PSKH1: variants seen among roughly 807,000 people sequenced by gnomAD.
PSKH1 encodes serine/threonine-protein kinase H1.
Under a neutral mutation model 26.7 loss-of-function variants are expected in PSKH1, and 12 were observed. The observed-to-expected ratio is 0.45, with a 90% CI of 0.29 to 0.73. The LOEUF is 0.73. Among genes scored for constraint, PSKH1 ranks in the 30% least tolerant of loss-of-function variants. The probability of loss-of-function intolerance (pLI) is 0.11; values close to 1 mark genes in which losing one functional copy is unlikely to be tolerated. For missense variants in PSKH1, 431 were observed against 595.2 expected (o/e 0.72, Z 2.87); for synonymous variants, 213 against 234.3 (o/e 0.91, Z 0.83).
intron 2 of PSKH1, among the ~76,000 whole-genome samples, chr16:67,919,078 T>C (rs886619679): frequency 6.6e-6 from 1 of 152,126 alleles, no homozygotes; most frequent in African/African-American, 2.4e-5. Flanking sequence ...GGAGCAGCCA[T>C]GTGAGCAGGG....
At chr16:67,913,902 G>A (rs910728175) in intron 2 of PSKH1, among the ~76,000 whole-genome samples, 14 of 152,160 alleles carry the variant, frequency 9.2e-5, no homozygotes, top group African/African-American at 3.4e-4. Context: ...CTGGGGTGGT[G>A]AGGGACAGTC....
intron 2 of PSKH1, among the ~76,000 whole-genome samples, chr16:67,920,179 C>T (rs981398725): frequency 4.6e-5 from 7 of 152,224 alleles, no homozygotes; most frequent in African/African-American, 1.7e-4. Flanking sequence ...CTTTCACAGG[C>T]TCTGTCGCTT....
intron 2 of PSKH1, among the ~76,000 whole-genome samples, chr16:67,925,467 C>T (rs1598194549): frequency 6.6e-6 from 1 of 152,218 alleles, no homozygotes; most frequent in African/African-American, 2.4e-5. Context: ...GCTGGGATTA[C>T]AGGCATGAGC....
chr16:67,919,486 G>A (rs1243887969), intron 2 of PSKH1, among the ~76,000 whole-genome samples: 1 of 152,228 alleles, frequency 6.6e-6, no homozygotes, highest in Non-Finnish European at 1.5e-5. Flanking sequence ...TGCTGTCTGT[G>A]TGTGAGGATC....
chr16:67,909,101 C>G lies in PSKH1; in HGVS notation c.352C>G (p.Arg118Gly). The stretch of plus-strand genomic sequence containing the variant: ...CAGCCGAGTGGTACGTGTAGAGCAC[C>G]GGGCAACCCGGCAGCCGTATGCCAT... ...SFSRVVRVEH[R>G]ATRQPYAIKM... Residue 118 changes from arginine to glycine, a missense_variant, in exon 2 of 3, where the codon CGG becomes GGG. Transcript: ENST00000291041. This position sits in a 1 kb window ranked among gnomAD's most constrained non-coding sequence, Gnocchi z 7.8. 1 of 1,613,614 alleles carries G rather than the reference C, an allele frequency of 6.2e-7. No individual in the cohort carries two copies. Among genetic ancestry groups the G allele is most frequent in the Non-Finnish European group, 8.5e-7 (1 of 1,179,828 alleles).
intron 2 of PSKH1, among the ~76,000 whole-genome samples, chr16:67,922,504 C>A (rs1048844751): frequency 6.6e-6 from 1 of 152,196 alleles, no homozygotes; most frequent in Non-Finnish European, 1.5e-5. Flanking sequence ...CCTCTGTCAG[C>A]CAGCCTGCCC....
intron 2 of PSKH1, among the ~76,000 whole-genome samples, chr16:67,919,030 C>T (rs2058194980): frequency 6.6e-6 from 1 of 152,200 alleles, no homozygotes; most frequent in Admixed American, 6.5e-5. Context: ...GACTTTCTGT[C>T]TCCCTCCCTG....
rs768583092 is a variant in PSKH1 at position 67,909,183 on chromosome 16, G to A, written c.434G>A (p.Arg145His). 11 of 1,614,018 alleles carry A rather than the reference G, an allele frequency of 6.8e-6. No individual in the cohort carries two copies. Among genetic ancestry groups the A allele is most frequent in the African/African-American group, 2.7e-5 (2 of 74,908 alleles). ...CGGGAGGTGTGTGAGTCGGAGCTGC[G>A]TGTGCTGCGTCGGGTGCGTCATGCC... Reference protein sequence around the residue: ...EGREVCESELRVLRRVRHANI... With the variant: ...EGREVCESELHVLRRVRHANI... The change falls in exon 2 of 3, where the codon CGT (arginine) becomes CAT (histidine). Residue 145 changes from arginine (R) to histidine (H), a missense_variant. Arg to His is a conservative substitution (Grantham distance 29). Coordinates refer to ENST00000291041, the MANE Select transcript of PSKH1 (RefSeq NM_006742.3). This position sits in a 1 kb window ranked among gnomAD's most constrained non-coding sequence, Gnocchi z 7.8.
chr16:67,909,766 C>T lies in PSKH1; in HGVS notation c.957+60C>T, dbSNP rs1273659300. On this transcript the variant is annotated intron_variant, in intron 2 of 2. Transcript: ENST00000291041. This position sits in a 1 kb window ranked among gnomAD's most constrained non-coding sequence, Gnocchi z 7.8. ...GAGGCACCTGCGGGGGCAGGTATAT[C>T]CTGCAGCTCTCAGTCAGAGGTATGT... 2 of 1,471,110 alleles carry T rather than the reference C, an allele frequency of 1.4e-6. No individual in the cohort carries two copies. The allele number at this position is 1,471,110 out of a possible 1,614,324, so 91.1% of individuals were successfully genotyped here.
intron 2 of PSKH1, among the ~76,000 whole-genome samples, chr16:67,914,616 G>A (rs558849335): frequency 2.6e-5 from 4 of 152,062 alleles, no homozygotes; most frequent in Middle Eastern, 3.4e-3. Flanking sequence ...CACCATGCCC[G>A]GCTAATTTTT....
intron 1 of PSKH1, among the ~76,000 whole-genome samples, chr16:67,905,083 C>T (rs184769617): frequency 2.0e-5 from 3 of 152,240 alleles, no homozygotes; most frequent in Non-Finnish European, 2.9e-5. Context: ...GCCTCGGCCT[C>T]CCAAAGTGCT....
rs996177732 is a variant in PSKH1, at chr16:67,898,040, C to T, written c.-71+4669C>T. Among the ~76,000 whole-genome samples the T allele has an allele frequency of 6.6e-5, 10 of 151,996 alleles. 1 individual carries two copies. Among genetic ancestry groups the T allele is most frequent in the African/African-American group, 1.4e-4 (6 of 41,386 alleles). On this transcript the variant is annotated intron_variant, in intron 1 of 2. Coordinates refer to ENST00000291041, the MANE Select transcript of PSKH1 (RefSeq NM_006742.3). ...TTTTTTTTGTATTTTTTAGTAGAGA[C>T]GGGGTTTCACTGTGTTGGCCAGGCT...
At chr16:67,921,609 C>A (rs900754374) in intron 2 of PSKH1, among the ~76,000 whole-genome samples, 5 of 151,940 alleles carry the variant, frequency 3.3e-5, no homozygotes, top group Admixed American at 6.6e-5. Flanking sequence ...AAACAAAAAT[C>A]AAAAAACCAG....
intron 1 of PSKH1, among the ~76,000 whole-genome samples, chr16:67,904,626 T>C (rs2058151047): frequency 6.6e-6 from 1 of 151,454 alleles, no homozygotes; most frequent in Non-Finnish European, 1.5e-5. Flanking sequence ...AGGCGTGAGC[T>C]GCCGTGCCTG....
chr16:67,899,460 T>G (rs1301881200), intron 1 of PSKH1, among the ~76,000 whole-genome samples: 1 of 140,338 alleles, frequency 7.1e-6, no homozygotes. Flanking sequence ...CTCAGCCTCC[T>G]GAGTAGCTGG....
At chr16:67,921,945 C>T (rs1277908666) in intron 2 of PSKH1, among the ~76,000 whole-genome samples, 3 of 151,900 alleles carry the variant, frequency 2.0e-5, no homozygotes, top group African/African-American at 4.8e-5. Context: ...GTTGTCACAC[C>T]TTTTCTCATT....
At chr16:67,904,984 G>A (rs542057074) in intron 1 of PSKH1, among the ~76,000 whole-genome samples, 145 of 151,772 alleles carry the variant, frequency 9.6e-4, no homozygotes, top group Non-Finnish European at 1.6e-3. Context: ...CCACCACCAC[G>A]TCCGGCTAAT....
At chr16:67,921,881 A>T (rs2058203640) in intron 2 of PSKH1, among the ~76,000 whole-genome samples, 2 of 151,058 alleles carry the variant, frequency 1.3e-5, no homozygotes, top group South Asian at 4.2e-4. Flanking sequence ...GGGGCACACG[A>T]TTTCATTTTG....
intron 1 of PSKH1, among the ~76,000 whole-genome samples, chr16:67,897,080 C>T (rs537120768): frequency 2.0e-5 from 3 of 152,166 alleles, no homozygotes; most frequent in Non-Finnish European, 4.4e-5. Flanking sequence ...TGTGAATGGG[C>T]TATAGGTGTG....
Sources: gnomAD v4.1 joint callset for allele counts (sites outside exome capture counted in the v4.1 genomes callset) on GRCh38, gnomAD v4.1.1 for gene constraint, Gnocchi (gnomAD v3.1) non-coding constraint, MANE v1.5 for transcripts, NCBI Gene and HGNC (gene_info 2026-07-23, HGNC 2026-07-21) for gene names.